Variants in STK32B observed in about 807,000 individuals in gnomAD.
STK32B encodes serine/threonine kinase 32B.
In STK32B, 43 loss-of-function variants were observed where a neutral mutation model predicts 52.6. The observed-to-expected ratio is 0.82, with a 90% CI of 0.64 to 1.05. The LOEUF is 1.05. Ranked by LOEUF, STK32B falls within the 50% of genes least tolerant of loss-of-function variation. STK32B has a pLI of 0.00. For synonymous variants in STK32B, 238 were observed against 204.3 expected (o/e 1.17, Z -1.41); for missense variants, 621 against 534.6 (o/e 1.16, Z -1.59).
chr4:5,195,872 T>C (rs1309223731), intron 3 of STK32B, among the ~76,000 whole-genome samples: 1 of 152,238 alleles, frequency 6.6e-6, no homozygotes, highest in Non-Finnish European at 1.5e-5. Context: ...TCACTTGAAC[T>C]GGATTCTTAA....
chr4:5,319,670 C>G (rs768470754), intron 3 of STK32B, among the ~76,000 whole-genome samples: 1 of 152,192 alleles, frequency 6.6e-6, no homozygotes, highest in Non-Finnish European at 1.5e-5. Context: ...CTCTGCTCCT[C>G]TCTGGTTCTA....
chr4:5,441,183 C>G (rs1456667291), intron 6 of STK32B, among the ~76,000 whole-genome samples: 1 of 149,946 alleles, frequency 6.7e-6, no homozygotes, highest in South Asian at 2.1e-4. Flanking sequence ...AGGAATGGTA[C>G]CAGTTCCTCC....
At chr4:5,160,009 G>A (rs145680533) in intron 2 of STK32B, among the ~76,000 whole-genome samples, 94 of 152,078 alleles carry the variant, frequency 6.2e-4, no homozygotes, top group Non-Finnish European at 1.0e-3. Context: ...CAGGTTGGAG[G>A]AAGTCCATCC....
rs1291022487 is a variant in STK32B, at chr4:5,272,490, G to A, written c.261-58730G>A. 2.9e-3 allele frequency among the ~76,000 whole-genome samples: 432 copies of A among 147,558 alleles called. 4 individuals are homozygous for A. The highest frequency in any genetic ancestry group is 0.01 in the African/African-American group (403 of 39,656). ...TCTTTTTTGGTTGTGTCTCTGCCCG[G>A]CTTTGGTATCAGAATGATGCTGGCC... On this transcript the variant is annotated intron_variant, in intron 3 of 11. Coordinates refer to ENST00000282908, the MANE Select transcript of STK32B (RefSeq NM_018401.3).
chr4:5,162,319 G>C (rs978028059), intron 2 of STK32B, among the ~76,000 whole-genome samples: 1 of 152,136 alleles, frequency 6.6e-6, no homozygotes, highest in African/African-American at 2.4e-5. Flanking sequence ...CCTTCCCTGG[G>C]ATACATCTAA....
intron 11 of STK32B, among the ~76,000 whole-genome samples, chr4:5,481,071 G>T (rs1718661056): frequency 6.6e-6 from 1 of 152,162 alleles, no homozygotes; most frequent in African/African-American, 2.4e-5. Context: ...AAAGCAGCAT[G>T]ATTTATAATC....
At chr4:5,172,208 G>A (rs1172865195) in intron 3 of STK32B, among the ~76,000 whole-genome samples, 24 of 152,126 alleles carry the variant, frequency 1.6e-4, no homozygotes, top group Admixed American at 1.6e-3. Flanking sequence ...GAGATTTTGG[G>A]CTGAGACAAT....
chr4:5,154,548 G>C (rs150757461), intron 2 of STK32B, among the ~76,000 whole-genome samples: 1 of 152,190 alleles, frequency 6.6e-6, no homozygotes, highest in African/African-American at 2.4e-5. Flanking sequence ...AGCATGGCTA[G>C]GATTTTACTT....
chr4:5,199,086 C>T (rs921673884), intron 3 of STK32B, among the ~76,000 whole-genome samples: 28 of 152,082 alleles, frequency 1.8e-4, no homozygotes, highest in African/African-American at 5.1e-4. Flanking sequence ...AGGTTAATCT[C>T]GGGGAGTCCT....
At chr4:5,133,014 G>C (rs898346177) in intron 1 of STK32B, among the ~76,000 whole-genome samples, 2 of 152,032 alleles carry the variant, frequency 1.3e-5, no homozygotes, top group African/African-American at 4.8e-5. Context: ...GGCTAGGCTG[G>C]CTGGAACCCC....
Position 5,439,445 on chromosome 4 carries a change from G to C in STK32B, c.563-7228G>C, listed in dbSNP as rs1029852563. On this transcript the variant is annotated intron_variant, in intron 6 of 11. Transcript: ENST00000282908. ...CATGTCCTTCGCCCACTTTTTGATG[G>C]GGTTGTTTGTTTTTTTCTTGTAAAT... Among the ~76,000 whole-genome samples the C allele has an allele frequency of 2.6e-5, 4 of 151,682 alleles. No individual in the cohort carries two copies. The East Asian group carries it at 5.8e-4, about 22-fold the overall frequency.
intron 3 of STK32B, among the ~76,000 whole-genome samples, chr4:5,320,525 C>G (rs1210530062): frequency 2.6e-5 from 4 of 152,120 alleles, no homozygotes; most frequent in Admixed American, 6.5e-5. Flanking sequence ...CCTTGAAACT[C>G]AATATAACAT....
chr4:5,461,845 G>T (rs1185244319), intron 9 of STK32B, among the ~76,000 whole-genome samples: 2 of 152,192 alleles, frequency 1.3e-5, no homozygotes, highest in Admixed American at 6.5e-5. Context: ...TAGGGAATCT[G>T]CCCGGCTGGA....
At chr4:5,164,360 C>A (rs1718699037) in intron 2 of STK32B, among the ~76,000 whole-genome samples, 2 of 152,118 alleles carry the variant, frequency 1.3e-5, no homozygotes, top group African/African-American at 4.8e-5. Context: ...GGATGTGTCT[C>A]CTCCCCTTCT....
At chr4:5,179,110 A>G (rs1720151652) in intron 3 of STK32B, among the ~76,000 whole-genome samples, 1 of 152,256 alleles carries the variant, frequency 6.6e-6, no homozygotes, top group African/African-American at 2.4e-5. Context: ...GGGAAGCCTC[A>G]GGAAACTTAC....
At chr4:5,334,710 C>T (rs1433312210) in intron 4 of STK32B, among the ~76,000 whole-genome samples, 2 of 150,536 alleles carry the variant, frequency 1.3e-5, no homozygotes, top group East Asian at 3.9e-4. Flanking sequence ...TTGTCAAAGG[C>T]CTTTTCTGCA....
chr4:5,424,526 G>A (rs902298107), intron 6 of STK32B, among the ~76,000 whole-genome samples: 4 of 152,192 alleles, frequency 2.6e-5, no homozygotes, highest in African/African-American at 9.7e-5. Context: ...CAGATGTTGG[G>A]AAAACCTGCC....
chr4:5,407,203 A>T (rs962056738), intron 5 of STK32B, among the ~76,000 whole-genome samples: 1 of 152,188 alleles, frequency 6.6e-6, no homozygotes, highest in African/African-American at 2.4e-5. Context: ...ACATAAAAAA[A>T]GTGACCTTTG....
In STK32B at chr4:5,328,537, G is replaced by A. The variant is rs139819330; in HGVS notation, c.261-2683G>A. Among the ~76,000 whole-genome samples the A allele has an allele frequency of 6.7e-4, 102 of 152,308 alleles. 2 individuals carry two copies. The East Asian group carries it at 0.019, about 28-fold the overall frequency. ...GAAACTACTGGTCAGTGGAGCATGAGAACACATCCAACCTTTATCCATGAA... is the reference window on the plus strand; with the variant it reads ...GAAACTACTGGTCAGTGGAGCATGAAAACACATCCAACCTTTATCCATGAA... On this transcript the variant is annotated intron_variant, in intron 3 of 11. Transcript: ENST00000282908.
Sources: gnomAD v4.1 joint callset for allele counts (sites outside exome capture counted in the v4.1 genomes callset) on GRCh38, gnomAD v4.1.1 for gene constraint, MANE v1.5 for transcripts, NCBI Gene and HGNC (gene_info 2026-07-23, HGNC 2026-07-21) for gene names.